ADGRG6: variants seen among roughly 807,000 people sequenced by gnomAD.
ADGRG6 encodes the protein adhesion G protein-coupled receptor G6, also known as G-protein coupled receptor 126.
A neutral mutation model predicts 142.4 loss-of-function variants in ADGRG6; 84 were observed. The ratio of observed to expected loss-of-function variants is 0.59; its 90% CI spans 0.49 to 0.71. The LOEUF is 0.71. Among genes scored for constraint, ADGRG6 ranks in the 30% least tolerant of loss-of-function variants. ADGRG6 has a pLI of 0.00. For synonymous variants in ADGRG6, 521 were observed against 520.5 expected, an observed-to-expected ratio of 1.00 and a Z score of -0.01; for missense variants, 1,367 against 1,466.6, an observed-to-expected ratio of 0.93 and a Z score of 1.11.
intron 2 of ADGRG6, among the ~76,000 whole-genome samples, chr6:142,314,051 A>G (rs1376053100): frequency 6.6e-6 from 1 of 152,220 alleles, no homozygotes. Flanking sequence ...GCTTTCAGCT[A>G]AAAGGCTGTT....
At chr6:142,403,495 G>A (rs897399398) in intron 13 of ADGRG6, among the ~76,000 whole-genome samples, 9 of 152,070 alleles carry the variant, frequency 5.9e-5, no homozygotes, top group African/African-American at 2.2e-4. Flanking sequence ...CGTAAGGTAG[G>A]GAGGATGCTT....
At chr6:142,434,960 A>G (rs1348199747) in intron 22 of ADGRG6, among the ~76,000 whole-genome samples, 1 of 152,118 alleles carries the variant, frequency 6.6e-6, no homozygotes, top group Non-Finnish European at 1.5e-5. Flanking sequence ...AAAAAATAAA[A>G]CATGTAAGCA....
rs368646880 is a variant in ADGRG6, at chr6:142,383,827, C to T, written c.1206C>T (p.Ile402=). Residue 402 remains isoleucine, a synonymous_variant, in exon 6 of 25, where the codon ATC becomes ATT. Coordinates refer to ENST00000367609, the MANE Select transcript of ADGRG6 (RefSeq NM_198569.3). Reference sequence around the variant, plus strand: ...CTAACATGCCTGTTACTAACAGAATCGATAAACAAAGGAATGGTAAGAAAT... The same window carrying T: ...CTAACATGCCTGTTACTAACAGAATTGATAAACAAAGGAATGGTAAGAAAT... ...VTTNMPVTNR[I]DKQRNDGIIY... 21 of 1,545,770 alleles carry T rather than the reference C, an allele frequency of 1.4e-5. 1 individual carries two copies. The African/African-American group carries it at 1.9e-4, about 14-fold the overall frequency.
chr6:142,428,215 A>G (rs1777045720), intron 22 of ADGRG6, among the ~76,000 whole-genome samples: 1 of 152,040 alleles, frequency 6.6e-6, no homozygotes, highest in Middle Eastern at 3.2e-3. Flanking sequence ...AATTTTATAT[A>G]TGCTTTATTT....
At chr6:142,308,363 C>T (rs1204922003) in intron 1 of ADGRG6, among the ~76,000 whole-genome samples, 2 of 151,940 alleles carry the variant, frequency 1.3e-5, no homozygotes, top group East Asian at 3.9e-4. Flanking sequence ...AGCTTATTCT[C>T]TTGGCTATGA....
intron 6 of ADGRG6, among the ~76,000 whole-genome samples, chr6:142,385,025 G>T (rs754192336): frequency 6.6e-6 from 1 of 151,876 alleles, no homozygotes; most frequent in Non-Finnish European, 1.5e-5. Flanking sequence ...CTAGCCAGTA[G>T]ATGGGAATAT....
intron 7 of ADGRG6, among the ~76,000 whole-genome samples, chr6:142,392,719 C>T (rs1182691450): frequency 6.6e-6 from 1 of 151,790 alleles, no homozygotes; most frequent in Non-Finnish European, 1.5e-5. Context: ...GGGGATAATA[C>T]CTATTTCATT....
rs191166400 is a variant in ADGRG6, at chr6:142,373,046, A to G, written c.1069+2253A>G. ...CACATATTGGTTGATTACCTACACC[A>G]TAGATCCCATGTTACGGGTTCTATA... is the stretch of plus-strand genomic sequence containing the variant. On this transcript the variant is annotated intron_variant, in intron 4 of 24. Transcript: ENST00000367609. Among the ~76,000 whole-genome samples the G allele has an allele frequency of 2.7e-3, 413 of 152,364 alleles. 1 individual carries two copies. Among genetic ancestry groups the G allele is most frequent in the Non-Finnish European group, 4.4e-3 (298 of 68,032 alleles).
chr6:142,379,187 C>G (rs1328116841), intron 4 of ADGRG6, among the ~76,000 whole-genome samples: 2 of 152,168 alleles, frequency 1.3e-5, no homozygotes, highest in Non-Finnish European at 2.9e-5. Flanking sequence ...TTTATTAGAT[C>G]GATATGTACC....
At chr6:142,309,889 C>T (rs2114514655) in intron 2 of ADGRG6, among the ~76,000 whole-genome samples, 1 of 150,910 alleles carries the variant, frequency 6.6e-6, no homozygotes, top group South Asian at 2.1e-4. Flanking sequence ...TCTTTGTTGT[C>T]TTTTATTTAT....
intron 22 of ADGRG6, among the ~76,000 whole-genome samples, chr6:142,428,350 A>G (rs1777053205): frequency 6.6e-6 from 1 of 152,110 alleles, no homozygotes; most frequent in Non-Finnish European, 1.5e-5. Context: ...AATTGTTACT[A>G]TCTGTTTGAT....
At chr6:142,306,593 G>A (rs1366855324) in intron 1 of ADGRG6, among the ~76,000 whole-genome samples, 1 of 152,008 alleles carries the variant, frequency 6.6e-6, no homozygotes, top group Non-Finnish European at 1.5e-5. Context: ...AGATATAGGA[G>A]TCTATGACTG....
rs920426331 is a variant in ADGRG6, at chr6:142,444,519, G to A, written c.*1004G>A. The A allele has an allele frequency of 1.3e-5, 2 of 152,196 alleles. No individual in the cohort carries two copies. Among genetic ancestry groups the A allele is most frequent in the South Asian group, 4.2e-4 (2 of 4,818 alleles). The allele number at this position is 152,196 out of a possible 1,614,324, so 9.4% of individuals were successfully genotyped here. On this transcript the variant is annotated 3_prime_UTR_variant, in exon 25 of 25. Transcript: ENST00000367609. Reference sequence around the variant, plus strand: ...TTCCCCATTGAGAGTTTTGTTCCAAGGAATATGAAGTGAGACATATGGGTG... The same window carrying A: ...TTCCCCATTGAGAGTTTTGTTCCAAAGAATATGAAGTGAGACATATGGGTG...
At chr6:142,329,676 G>A (rs573302681) in intron 2 of ADGRG6, among the ~76,000 whole-genome samples, 109 of 152,246 alleles carry the variant, frequency 7.2e-4, no homozygotes, top group African/African-American at 2.5e-3. Flanking sequence ...TCAACACAAA[G>A]GGTAAATGAA....
At chr6:142,439,657 G>A (rs1777647791) in intron 24 of ADGRG6, among the ~76,000 whole-genome samples, 1 of 152,132 alleles carries the variant, frequency 6.6e-6, no homozygotes, top group Admixed American at 6.6e-5. Context: ...GAGCAACTTA[G>A]AACAGCAGTT....
chr6:142,440,422 G>C (rs913352109), intron 24 of ADGRG6, among the ~76,000 whole-genome samples: 1 of 151,618 alleles, frequency 6.6e-6, no homozygotes, highest in Non-Finnish European at 1.5e-5. Flanking sequence ...TCAGCCTCCC[G>C]AGTAGCTGGG....
Position 142,367,779 on chromosome 6 carries a change from A to AT in ADGRG6, c.314_315insT (p.Glu105AspfsTer5). 6.2e-7 allele frequency: 1 copy of AT among 1,613,678 alleles called. No homozygotes were observed. The highest frequency in any genetic ancestry group is 8.5e-7 in the Non-Finnish European group (1 of 1,179,586). On this transcript the variant is annotated frameshift_variant, in exon 3 of 25. Coordinates refer to ENST00000367609, the MANE Select transcript of ADGRG6 (RefSeq NM_198569.3). LOFTEE classifies it high-confidence loss of function. ...GACTCATTATCCCTTGATAATGGAG[A>AT]GAGCCAGACTAAATTTTGTGGAGCA... is the stretch of plus-strand genomic sequence containing the variant.
chr6:142,307,344 C>CT (rs547067681), intron 1 of ADGRG6, among the ~76,000 whole-genome samples: 1 of 151,894 alleles, frequency 6.6e-6, no homozygotes, highest in Non-Finnish European at 1.5e-5. Flanking sequence ...CCTAAGTTTC[C>CT]TTTTTTTGTG....
intron 24 of ADGRG6, among the ~76,000 whole-genome samples, chr6:142,441,994 C>T (rs1368806933): frequency 2.0e-5 from 3 of 152,124 alleles, no homozygotes; most frequent in Non-Finnish European, 2.9e-5. Context: ...CTTTTTAGCC[C>T]TCATTGTATT....
Sources: allele counts gnomAD v4.1 joint callset (sites outside exome capture counted in the v4.1 genomes callset), GRCh38; gene constraint gnomAD v4.1.1; transcripts MANE v1.5; gene names NCBI Gene and HGNC (gene_info 2026-07-23, HGNC 2026-07-21).